The following MPP3 variants were observed in gnomAD, a reference collection of about 807,000 sequenced individuals.
The protein encoded by MPP3 is MAGUK p55 subfamily member 3.
In MPP3, 48 loss-of-function variants were observed where a neutral mutation model predicts 80.7. That is an observed-to-expected ratio of 0.59 (90% CI 0.47 to 0.76). The LOEUF is 0.76. Among genes scored for constraint, MPP3 ranks in the 30% least tolerant of loss-of-function variants. The pLI, the probability that MPP3 is intolerant of heterozygous loss-of-function variation, is 0.00. For synonymous variants in MPP3, 311 were observed against 297.6 expected (o/e 1.04, Z -0.46); for missense variants, 620 against 763.0 (o/e 0.81, Z 2.21).
chr17:43,826,143 C>T (rs1186271492), intron 8 of MPP3, among the ~76,000 whole-genome samples: 2 of 152,242 alleles, frequency 1.3e-5, no homozygotes, highest in African/African-American at 4.8e-5. Context: ...AGTATTCAAA[C>T]ACAGTTATTA....
In MPP3 at chr17:43,831,452, T is replaced by C. The variant is rs560046710; in HGVS notation, c.144+107A>G. 1.5e-5 allele frequency: 20 copies of C among 1,317,216 alleles called. No individual in the cohort carries two copies. In the South Asian group the frequency reaches 2.4e-4, roughly 16 times the overall value. The allele number at this position is 1,317,216 out of a possible 1,614,324, so 81.6% of individuals were successfully genotyped here. A position where few individuals can be genotyped will look rare whatever the true frequency, so the allele number is the denominator to read the frequency against. ...GAGAAAGTCCTGTGTAGTGGGCAAG[T>C]GAAGGCCTTCCTGGGGCAGGGAGAT... is the stretch of plus-strand genomic sequence containing the variant. On this transcript the variant is annotated intron_variant, in intron 4 of 19. Transcript: ENST00000398389.
At chr17:43,818,369 C>T (rs1228752753) in intron 11 of MPP3, among the ~76,000 whole-genome samples, 1 of 152,188 alleles carries the variant, frequency 6.6e-6, no homozygotes, top group Non-Finnish European at 1.5e-5. Flanking sequence ...ACACAGGATC[C>T]AGCCCGGTGT....
At position 43,827,755 on chromosome 17, in the gene MPP3, C is replaced by T. The variant is rs1015341259; in HGVS notation, c.519G>A (p.Arg173=). ...CTTTGCACTGCCGCCACTCACCGCT[C>T]CTGTCTGCTGCGCCTCCTCGCATGA... ...ARIMRGGAAD[R]SGLVHVGDEL... The change falls in exon 8 of 20, where the codon AGG becomes AGA. Residue 173 remains arginine, a synonymous_variant. Coordinates refer to ENST00000398389, the MANE Select transcript of MPP3 (RefSeq NM_001932.6). 1.2e-6 allele frequency: 2 copies of T among 1,611,160 alleles called. No homozygotes were observed. The highest frequency in any genetic ancestry group is 1.7e-6 in the Non-Finnish European group (2 of 1,180,010).
At chr17:43,823,830 C>T (rs948048278) in intron 10 of MPP3, 101 bp downstream of exon 10, 8 of 807,410 alleles carry the variant, frequency 9.9e-6, no homozygotes, top group African/African-American at 8.9e-5. Context: ...ATGATCTGTT[C>T]GCAAATGACT....
At chr17:43,823,821 T>C in intron 10 of MPP3, 110 bp downstream of exon 10, 2 of 745,622 alleles carry the variant, frequency 2.7e-6, no homozygotes, top group Non-Finnish European at 4.6e-6. Context: ...ATCAGATCTA[T>C]GATCTGTTCG....
At position 43,828,569 on chromosome 17, in the gene MPP3, T is replaced by A. The variant is rs569359462; in HGVS notation, c.442-737A>T. On this transcript the variant is annotated intron_variant, in intron 7 of 19. Coordinates refer to ENST00000398389, the MANE Select transcript of MPP3 (RefSeq NM_001932.6). The stretch of plus-strand genomic sequence containing the variant: ...TGTGAGATGTGGGACAGCATTTAAC[T>A]CACAGTGTTGTTGCAAGGATTCCAC... 1.6e-3 allele frequency among the ~76,000 whole-genome samples: 246 copies of A among 152,364 alleles called. 1 individual carries two copies. Among genetic ancestry groups the A allele is most frequent in the African/African-American group, 5.6e-3 (231 of 41,586 alleles).
intron 16 of MPP3, among the ~76,000 whole-genome samples, chr17:43,811,903 C>G (rs1273100037): frequency 6.6e-6 from 1 of 152,132 alleles, no homozygotes; most frequent in Non-Finnish European, 1.5e-5. Context: ...TATGCTGTGG[C>G]TTTTAAAGAA....
At chr17:43,821,474 CTGTTATA>C (rs1485020366) in intron 10 of MPP3, among the ~76,000 whole-genome samples, 1 of 152,198 alleles carries the variant, frequency 6.6e-6, no homozygotes, top group Admixed American at 6.5e-5. Context: ...CAGCAGCCAT[CTGTTATA>C]TAAGTAATCT....
intron 13 of MPP3, 88 bp downstream of exon 13, chr17:43,816,589 A>G (rs1163354258): frequency 1.6e-6 from 2 of 1,240,368 alleles, no homozygotes; most frequent in Non-Finnish European, 2.3e-6. Context: ...AGCTGCCCAG[A>G]TAGGGAAAGA....
At chr17:43,817,859 G>A in intron 12 of MPP3, 187 bp downstream of exon 12, 2 of 462,462 alleles carry the variant, frequency 4.3e-6, no homozygotes, top group South Asian at 2.9e-5. Context: ...AAATATACAA[G>A]CTCCTCTCCA....
intron 7 of MPP3, among the ~76,000 whole-genome samples, chr17:43,828,524 T>C (rs1013009017): frequency 6.6e-6 from 1 of 152,228 alleles, no homozygotes; most frequent in Non-Finnish European, 1.5e-5. Context: ...AAATCTCTTA[T>C]CCTCTCCAAG....
chr17:43,814,890 A>G (rs2045041238), intron 14 of MPP3, among the ~76,000 whole-genome samples: 1 of 152,242 alleles, frequency 6.6e-6, no homozygotes, highest in Non-Finnish European at 1.5e-5. Flanking sequence ...ACTAAGTCTC[A>G]TATGACTCAG....
In MPP3 at chr17:43,800,951, C is replaced by T. The variant is rs1167091653; in HGVS notation, c.*750G>A. 6.6e-6 allele frequency: 1 copy of T among 152,030 alleles called. No homozygotes were observed. The highest frequency in any genetic ancestry group is 1.5e-5 in the Non-Finnish European group (1 of 68,018). 9.4% of individuals were successfully genotyped at this position (152,030 alleles called of 1,614,324 possible). On this transcript the variant is annotated 3_prime_UTR_variant, in exon 20 of 20. Coordinates refer to ENST00000398389, the MANE Select transcript of MPP3 (RefSeq NM_001932.6). ...TCTCATGGCAGGGACTGGCTAGGAC[C>T]AAGGCAACTGTCAGTAACAAAAGGG... is the stretch of plus-strand genomic sequence containing the variant.
rs1383597049 is a variant in MPP3 at position 43,801,552 on chromosome 17, C to G, written c.*149G>C. On this transcript the variant is annotated 3_prime_UTR_variant, in exon 20 of 20. Transcript: ENST00000398389. ...ACAACAGACAAAAACCAACAACAAA[C>G]AAGACTTCCCACTTATACTCTTCTC... 2.8e-6 allele frequency: 2 copies of G among 712,756 alleles called. No individual in the cohort carries two copies. The highest frequency in any genetic ancestry group is 2.2e-5 in the South Asian group (1 of 46,448). 44.2% of individuals were successfully genotyped at this position (712,756 alleles called of 1,614,324 possible).
rs1239428335 is a variant in MPP3, at chr17:43,830,244, T to C, written c.223-137A>G. 4 of 536,644 alleles carry C rather than the reference T, an allele frequency of 7.5e-6. No homozygotes were observed. The African/African-American group carries it at 7.8e-5, about 10-fold the overall frequency. The allele number at this position is 536,644 out of a possible 1,614,324, so 33.2% of individuals were successfully genotyped here. ...CAGACCCTCAACCACCCGACGACGA[T>C]GATCCTGGGAACATCACACCAGGGG... On this transcript the variant is annotated intron_variant, in intron 5 of 19. Transcript: ENST00000398389.
chr17:43,826,838 T>C (rs1277182486), intron 8 of MPP3, among the ~76,000 whole-genome samples: 3 of 146,518 alleles, frequency 2.0e-5, no homozygotes, highest in Non-Finnish European at 4.5e-5. Flanking sequence ...ATATTTTTTT[T>C]TTTTTTCTTT....
intron 19 of MPP3, among the ~76,000 whole-genome samples, chr17:43,804,161 C>T (rs1262745428): frequency 6.6e-6 from 1 of 152,096 alleles, no homozygotes; most frequent in African/African-American, 2.4e-5. Context: ...TTATTCAATC[C>T]TGAAATATTT....
chr17:43,810,925 C>A lies in MPP3; in HGVS notation c.1350-10G>T. The stretch of plus-strand genomic sequence containing the variant: ...ACCATGTTCCAGGAACCTAAAACAC[C>A]ACCAAAGGGGAAAAGGCCTTTAGTT... On this transcript the variant is annotated splice_polypyrimidine_tract_variant and intron_variant, in intron 17 of 19. Transcript: ENST00000398389. The A allele has an allele frequency of 6.3e-7, 1 of 1,587,660 alleles. No individual in the cohort carries two copies. Among genetic ancestry groups the A allele is most frequent in the Admixed American group, 1.8e-5 (1 of 54,986 alleles).
At chr17:43,819,401 G>A (rs926942923) in intron 11 of MPP3, among the ~76,000 whole-genome samples, 4 of 152,210 alleles carry the variant, frequency 2.6e-5, no homozygotes, top group African/African-American at 9.6e-5. Context: ...GTGAAGAATT[G>A]GGAACAACCT....
Sources: allele counts gnomAD v4.1 joint callset (sites outside exome capture counted in the v4.1 genomes callset), GRCh38; gene constraint gnomAD v4.1.1; transcripts MANE v1.5; gene names NCBI Gene and HGNC (gene_info 2026-07-23, HGNC 2026-07-21).